DOCK7: variants seen among roughly 807,000 people sequenced by gnomAD.
DOCK7 encodes dedicator of cytokinesis 7.
DOCK7 carries 138 observed loss-of-function variants against 271.0 expected under a neutral mutation model. The ratio of observed to expected loss-of-function variants is 0.51; its 90% CI spans 0.44 to 0.59. The LOEUF (loss-of-function observed/expected upper bound fraction) is 0.59, where lower values mean the gene tolerates loss of function less well. Ranked by LOEUF, DOCK7 falls within the 20% of genes least tolerant of loss-of-function variation. DOCK7 has a pLI of 0.00. For synonymous variants in DOCK7, 823 were observed against 876.1 expected, an observed-to-expected ratio of 0.94 and a Z score of 1.07; for missense variants, 2,066 against 2,592.4, an observed-to-expected ratio of 0.80 and a Z score of 4.41.
At chr1:62,464,147 C>T (rs1645608902) in intron 48 of DOCK7, among the ~76,000 whole-genome samples, 1 of 151,884 alleles carries the variant, frequency 6.6e-6, no homozygotes, top group Non-Finnish European at 1.5e-5. Context: ...GCAACGTTTG[C>T]CTCCTGGGTC....
In DOCK7 at chr1:62,587,838, G is replaced by A. The variant is rs551194464; in HGVS notation, c.1683-1214C>T. 3.2e-4 allele frequency among the ~76,000 whole-genome samples: 48 copies of A among 152,240 alleles called. 1 individual carries two copies. In the South Asian group the frequency reaches 9.9e-3, roughly 32 times the overall value. ...GTGTGGGGGAAGGTAGAGAGACAGA[G>A]TGGATAAAATTATATTTCTAAAAAC... On this transcript the variant is annotated intron_variant, in intron 14 of 49. Transcript: ENST00000635253.
intron 1 of DOCK7, among the ~76,000 whole-genome samples, chr1:62,675,169 T>C (rs1336325148): frequency 6.6e-6 from 1 of 152,054 alleles, no homozygotes; most frequent in Non-Finnish European, 1.5e-5. Context: ...AATCCTAGCA[T>C]TTTGGCAGGC....
chr1:62,665,502 G>A (rs544112226), intron 1 of DOCK7, among the ~76,000 whole-genome samples: 26 of 151,066 alleles, frequency 1.7e-4, no homozygotes, highest in Admixed American at 8.6e-4. Flanking sequence ...TCAAGAAATC[G>A]GGACCATCCT....
At chr1:62,639,076 C>T (rs1162688115) in intron 7 of DOCK7, among the ~76,000 whole-genome samples, 1 of 152,082 alleles carries the variant, frequency 6.6e-6, no homozygotes, top group Non-Finnish European at 1.5e-5. Context: ...TACTCCAGTG[C>T]TCTAGTTGTC....
At chr1:62,549,184 C>A (rs969721982) in intron 22 of DOCK7, among the ~76,000 whole-genome samples, 1 of 151,950 alleles carries the variant, frequency 6.6e-6, no homozygotes, top group Non-Finnish European at 1.5e-5. Flanking sequence ...GAATGTAGTA[C>A]CCTGGAAGCC....
chr1:62,476,577 C>A (rs1265932256), intron 44 of DOCK7, among the ~76,000 whole-genome samples: 3 of 152,020 alleles, frequency 2.0e-5, no homozygotes, highest in Admixed American at 1.3e-4. Flanking sequence ...AATAAACATT[C>A]ATTTTTATGA....
At chr1:62,657,044 G>A (rs1323910164) in intron 2 of DOCK7, among the ~76,000 whole-genome samples, 3 of 152,182 alleles carry the variant, frequency 2.0e-5, no homozygotes, top group African/African-American at 7.2e-5. Flanking sequence ...CAAAGTCTCA[G>A]TAGAGACCAC....
At chr1:62,666,186 A>T (rs189975495) in intron 1 of DOCK7, among the ~76,000 whole-genome samples, 52 of 152,262 alleles carry the variant, frequency 3.4e-4, no homozygotes, top group Non-Finnish European at 6.8e-4. Flanking sequence ...ATAAAAATTT[A>T]AAAAATCACT....
At chr1:62,590,450 T>C (rs1414301452) in intron 14 of DOCK7, among the ~76,000 whole-genome samples, 1 of 152,158 alleles carries the variant, frequency 6.6e-6, no homozygotes, top group Non-Finnish European at 1.5e-5. Context: ...GGTAATATAT[T>C]AACCTGAAGT....
intron 1 of DOCK7, among the ~76,000 whole-genome samples, chr1:62,665,646 G>A (rs1393286982): frequency 1.4e-5 from 2 of 144,528 alleles, no homozygotes; most frequent in Admixed American, 7.3e-5. Flanking sequence ...GTTGCGGTGA[G>A]CCGAGATCAC....
At chr1:62,543,854 C>T in intron 23 of DOCK7, 109 bp from the exon 24 acceptor site, 1 of 683,084 alleles carries the variant, frequency 1.5e-6, no homozygotes, top group African/African-American at 1.8e-5. Context: ...ATTATGGTTT[C>T]AAAAACCATC....
At chr1:62,518,157 TG>T in intron 31 of DOCK7, among the ~76,000 whole-genome samples, 1 of 152,304 alleles carries the variant, frequency 6.6e-6, no homozygotes, top group South Asian at 2.1e-4. Context: ...CAAAACTGGC[TG>T]GATGTGGTGG....
In DOCK7 at chr1:62,604,346, GTT is replaced by G. The variant is rs140293692; in HGVS notation, c.1682+14358_1682+14359del. 2.3e-3 allele frequency: 3,156 copies of G among 1,358,164 alleles called. 67 individuals are homozygous for G. In the African/African-American group the frequency reaches 0.041, roughly 17 times the overall value. 84.1% of individuals were successfully genotyped at this position (1,358,164 alleles called of 1,614,324 possible). On this transcript the variant is annotated intron_variant, in intron 14 of 49. Coordinates refer to ENST00000635253, the MANE Select transcript of DOCK7 (RefSeq NM_001367561.1). ...TTAAAAATCCGAATCCCAAATAAGCGTTTTCTCTCTAGACGAAAACCTCTTAA... is the reference window on the plus strand; with the variant it reads ...TTAAAAATCCGAATCCCAAATAAGCGTTCTCTCTAGACGAAAACCTCTTAA...
At chr1:62,602,373 GC>G in intron 14 of DOCK7, 2 of 1,610,382 alleles carry the variant, frequency 1.2e-6, no homozygotes, top group Non-Finnish European at 1.7e-6. Flanking sequence ...GTTTTGGGAG[GC>G]TTGATGGTAA....
intron 7 of DOCK7, among the ~76,000 whole-genome samples, chr1:62,638,623 AT>A (rs1571864141): frequency 6.8e-6 from 1 of 147,804 alleles, no homozygotes; most frequent in Admixed American, 6.8e-5. Flanking sequence ...ATGAATATAT[AT>A]TTTCATGAAT....
At chr1:62,465,577 A>T (rs1363975559) in intron 48 of DOCK7, among the ~76,000 whole-genome samples, 1 of 151,946 alleles carries the variant, frequency 6.6e-6, no homozygotes, top group Non-Finnish European at 1.5e-5. Flanking sequence ...TTTGAGATGG[A>T]GTCTTGCTCT....
intron 31 of DOCK7, 105 bp downstream of exon 31, chr1:62,528,046 G>T: frequency 8.7e-7 from 1 of 1,155,562 alleles, no homozygotes; most frequent in Non-Finnish European, 1.2e-6. Flanking sequence ...ATAAAACTGA[G>T]CACTTTTGCA....
At chr1:62,573,057 A>G (rs1421055741) in intron 18 of DOCK7, among the ~76,000 whole-genome samples, 3 of 152,236 alleles carry the variant, frequency 2.0e-5, no homozygotes, top group Non-Finnish European at 4.4e-5. Context: ...TGTTCAGTAA[A>G]TAAAACAGAA....
chr1:62,657,679 A>C (rs1431271588), intron 2 of DOCK7, among the ~76,000 whole-genome samples: 3 of 152,192 alleles, frequency 2.0e-5, no homozygotes, highest in Non-Finnish European at 4.4e-5. Context: ...GAAAAACCAG[A>C]AACTCTCTGT....
Sources: allele counts gnomAD v4.1 joint callset (sites outside exome capture counted in the v4.1 genomes callset), GRCh38; gene constraint gnomAD v4.1.1; transcripts MANE v1.5; gene names NCBI Gene and HGNC (gene_info 2026-07-23, HGNC 2026-07-21).